Variants in UCHL1 observed in about 807,000 individuals in gnomAD.
UCHL1 encodes ubiquitin C-terminal hydrolase L1, also known as ubiquitin carboxyl-terminal hydrolase isozyme L1.
In UCHL1, 5 loss-of-function variants were observed where a neutral mutation model predicts 33.3. That is an observed-to-expected ratio of 0.15 (90% CI 0.08 to 0.32). UCHL1 has a LOEUF of 0.32. Ranked by LOEUF, UCHL1 falls within the 10% of genes least tolerant of loss-of-function variation. The probability of loss-of-function intolerance (pLI) is 1.00; values close to 1 mark genes in which losing one functional copy is unlikely to be tolerated. For synonymous variants in UCHL1, 132 were observed against 108.8 expected (o/e 1.21, Z -1.33); for missense variants, 236 against 280.0 (o/e 0.84, Z 1.12).
Position 41,256,935 on chromosome 4 carries a change from T to C in UCHL1, c.-42T>C. 1.2e-6 allele frequency: 2 copies of C among 1,614,032 alleles called. No individual in the cohort carries two copies. The highest frequency in any genetic ancestry group is 1.7e-6 in the Non-Finnish European group (2 of 1,179,984). On this transcript the variant is annotated 5_prime_UTR_variant, in exon 1 of 9. Transcript: ENST00000284440. ...AGCCTGGGCGGCTCCGCTAGCTGTT[T>C]TTCGTCTTCCCTAGGCTATTTCTGC...
intron 7 of UCHL1, 145 bp downstream of exon 7, chr4:41,263,436 C>CT: frequency 1.2e-6 from 1 of 828,612 alleles, no homozygotes; most frequent in Non-Finnish European, 2.0e-6. Context: ...CATGAGGGCA[C>CT]TTAACCCCTT....
At chr4:41,267,124 A>T (rs534207999) in intron 8 of UCHL1, among the ~76,000 whole-genome samples, 20 of 152,190 alleles carry the variant, frequency 1.3e-4, no homozygotes, top group Non-Finnish European at 2.5e-4. Flanking sequence ...TCCTGTTACC[A>T]GTCTTTGTCA....
chr4:41,260,652 G>A lies in UCHL1; in HGVS notation c.180G>A (p.Glu60=), dbSNP rs762527925. ...AACGCTTTTTACATTCGCAGCATGAGAACTTCAGGAAAAAGCAGATTGAAG... is the reference window on the plus strand; with the variant it reads ...AACGCTTTTTACATTCGCAGCATGAAAACTTCAGGAAAAAGCAGATTGAAG... The part of the protein sequence containing the change: ...LLLFPLTAQH[E]NFRKKQIEEL... Residue 60 remains glutamate, a synonymous_variant, in exon 4 of 9, where the codon GAG becomes GAA. Coordinates refer to ENST00000284440, the MANE Select transcript of UCHL1 (RefSeq NM_004181.5). 1 of 1,614,218 alleles carries A rather than the reference G, an allele frequency of 6.2e-7. No individual in the cohort carries two copies. The highest frequency in any genetic ancestry group is 1.3e-5 in the African/African-American group (1 of 75,062).
chr4:41,263,958 G>GCAGC (rs1270133653), intron 7 of UCHL1, 145 bp from the exon 8 acceptor site: 2 of 986,966 alleles, frequency 2.0e-6, no homozygotes, highest in Non-Finnish European at 3.2e-6. Context: ...AACCTCATTT[G>GCAGC]CAGCCTCTTG....
chr4:41,259,821 AC>A (rs1336741358), intron 3 of UCHL1, among the ~76,000 whole-genome samples: 8 of 152,272 alleles, frequency 5.3e-5, no homozygotes, highest in Admixed American at 2.0e-4. Context: ...CAAGCCACTG[AC>A]CCTGGCTCAA....
At position 41,257,683 on chromosome 4, in the gene UCHL1, C is replaced by G. The variant is rs375032754; in HGVS notation, c.120C>G (p.Gly40=). 11 of 1,575,800 alleles carry G rather than the reference C, an allele frequency of 7.0e-6. No individual in the cohort carries two copies. The African/African-American group carries it at 1.5e-4, about 21-fold the overall frequency. Residue 40 remains glycine (G), a synonymous_variant, in exon 3 of 9, where the codon GGC becomes GGG. Coordinates refer to ENST00000284440, the MANE Select transcript of UCHL1 (RefSeq NM_004181.5). ...TGGGGCTGGAAGAGGAGTCTCTGGG[C>G]TCGGTGCCAGCGCCTGCCTGCGCGC... ...DVLGLEEESL[G]SVPAPACALL...
chr4:41,257,125 A>G lies in UCHL1; in HGVS notation c.44A>G (p.Lys15Arg). Residue 15 changes from lysine to arginine, a missense_variant and splice_region_variant, in exon 2 of 9, where the codon AAA (lysine) becomes AGA (arginine). Lys to Arg is a conservative substitution (Grantham distance 26). Coordinates refer to ENST00000284440, the MANE Select transcript of UCHL1 (RefSeq NM_004181.5). ...GCATTTGCCTTTCAGATGCTGAACAAAGTGAGTGGCGTCTCGCGCCGTCTC... is the reference window on the plus strand; with the variant it reads ...GCATTTGCCTTTCAGATGCTGAACAGAGTGAGTGGCGTCTCGCGCCGTCTC... ...PMEINPEMLN[K>R]VLSRLGVAGQ... 1 of 1,613,124 alleles carries G rather than the reference A, an allele frequency of 6.2e-7. No homozygotes were observed. The highest frequency in any genetic ancestry group is 8.5e-7 in the Non-Finnish European group (1 of 1,179,900).
At chr4:41,262,291 G>A (rs1353413958) in intron 6 of UCHL1, among the ~76,000 whole-genome samples, 1 of 151,998 alleles carries the variant, frequency 6.6e-6, no homozygotes, top group African/African-American at 2.4e-5. Flanking sequence ...GTGAAACCCC[G>A]TCCCTACAAA....
At chr4:41,260,595 C>G in intron 3 of UCHL1, 52 bp from the exon 4 acceptor site, 1 of 1,603,424 alleles carries the variant, frequency 6.2e-7, no homozygotes, top group Non-Finnish European at 8.5e-7. Context: ...GTGCTGCCAT[C>G]TGTTCTTTGC....
rs140427502 is a variant in UCHL1 at position 41,259,078 on chromosome 4, G to C, written c.174+1341G>C. ...CTCCTTTTGCTGAATCTTGTTTAGAGAACATTCTAGTTTGTGTTATGTTTG... is the reference window on the plus strand; with the variant it reads ...CTCCTTTTGCTGAATCTTGTTTAGACAACATTCTAGTTTGTGTTATGTTTG... On this transcript the variant is annotated intron_variant, in intron 3 of 8. Transcript: ENST00000284440. Among the ~76,000 whole-genome samples the C allele has an allele frequency of 1.7e-3, 252 of 152,318 alleles. 2 individuals are homozygous for C. The highest frequency in any genetic ancestry group is 5.7e-3 in the African/African-American group (238 of 41,576).
At chr4:41,258,261 C>A (rs1477966313) in intron 3 of UCHL1, among the ~76,000 whole-genome samples, 1 of 152,206 alleles carries the variant, frequency 6.6e-6, no homozygotes, top group Non-Finnish European at 1.5e-5. Flanking sequence ...TTCTCCACTC[C>A]CACCACTTGC....
intron 3 of UCHL1, among the ~76,000 whole-genome samples, chr4:41,260,370 A>G (rs563790281): frequency 8.5e-5 from 13 of 152,334 alleles, no homozygotes; most frequent in Middle Eastern, 3.4e-3. Flanking sequence ...GAAAGGTTGC[A>G]GTGGTGTCTA....
Position 41,268,142 on chromosome 4 carries a change from C to T in UCHL1, c.*69C>T, listed in dbSNP as rs778259499. 6 of 1,424,592 alleles carry T rather than the reference C, an allele frequency of 4.2e-6. No homozygotes were observed. The highest frequency in any genetic ancestry group is 2.9e-6 in the Non-Finnish European group (3 of 1,023,168). 88.2% of individuals were successfully genotyped at this position (1,424,592 alleles called of 1,614,324 possible). A position where few individuals can be genotyped will look rare whatever the true frequency, so the allele number is the denominator to read the frequency against. On this transcript the variant is annotated 3_prime_UTR_variant, in exon 9 of 9. Transcript: ENST00000284440. ...ACATGAAAATATATACCCCCCCATG[C>T]AGTCTAAAATGCTTCAGTACTTGTG...
chr4:41,260,938 C>T (rs1167197938), intron 4 of UCHL1, 141 bp downstream of exon 4: 2 of 1,247,492 alleles, frequency 1.6e-6, no homozygotes, highest in Non-Finnish European at 2.3e-6. Flanking sequence ...TAATCTGACT[C>T]ACAGTCCTCC....
At chr4:41,258,173 C>A (rs1781014384) in intron 3 of UCHL1, among the ~76,000 whole-genome samples, 1 of 152,178 alleles carries the variant, frequency 6.6e-6, no homozygotes, top group Non-Finnish European at 1.5e-5. Flanking sequence ...TGACCTAAAT[C>A]GCAGGGAAAC....
intron 2 of UCHL1, 53 bp downstream of exon 2, chr4:41,257,179 G>C: frequency 6.2e-7 from 1 of 1,610,808 alleles, no homozygotes; most frequent in Non-Finnish European, 8.5e-7. Flanking sequence ...GCGCCGAGGC[G>C]GGGGCGCCCA....
At chr4:41,261,324 A>G (rs1781065338) in intron 4 of UCHL1, among the ~76,000 whole-genome samples, 1 of 152,258 alleles carries the variant, frequency 6.6e-6, no homozygotes, top group Non-Finnish European at 1.5e-5. Context: ...TAGATGCTGT[A>G]GATACAGCAG....
chr4:41,263,104 A>G, intron 6 of UCHL1, 121 bp from the exon 7 acceptor site: 3 of 783,296 alleles, frequency 3.8e-6, no homozygotes, highest in Admixed American at 4.0e-5. Context: ...TAAGACATAC[A>G]TTAAATATTA....
At chr4:41,266,236 T>TTG (rs1561082750) in intron 8 of UCHL1, among the ~76,000 whole-genome samples, 4 of 150,958 alleles carry the variant, frequency 2.6e-5, no homozygotes, top group Admixed American at 6.6e-5. Flanking sequence ...CTTTTTTTTT[T>TTG]TTTTTTTTTT....
Sources: gnomAD v4.1 joint callset for allele counts (sites outside exome capture counted in the v4.1 genomes callset) on GRCh38, gnomAD v4.1.1 for gene constraint, MANE v1.5 for transcripts, NCBI Gene and HGNC (gene_info 2026-07-23, HGNC 2026-07-21) for gene names.